The following TAB2 variants were observed in gnomAD, a reference collection of about 807,000 sequenced individuals.
The protein encoded by TAB2 is TGF-beta-activated kinase 1 and MAP3K7-binding protein 2.
TAB2 carries 3 observed loss-of-function variants against 65.0 expected under a neutral mutation model. That is an observed-to-expected ratio of 0.05 (90% CI 0.02 to 0.12). The LOEUF (loss-of-function observed/expected upper bound fraction) is 0.12, where lower values mean the gene tolerates loss of function less well. Among genes scored for constraint, TAB2 ranks in the 10% least tolerant of loss-of-function variants. The pLI, the probability that TAB2 is intolerant of heterozygous loss-of-function variation, is 1.00. For missense variants in TAB2, 623 were observed against 840.3 expected (o/e 0.74, Z 3.20); for synonymous variants, 298 against 285.1 (o/e 1.05, Z -0.46).
At chr6:149,273,158 C>T (rs1272266361) in intron 1 of TAB2, among the ~76,000 whole-genome samples, 3 of 152,140 alleles carry the variant, frequency 2.0e-5, no homozygotes, top group African/African-American at 7.2e-5. Context: ...CTACAAGATA[C>T]TGGACAGCCC....
At position 149,260,697 on chromosome 6, in the gene TAB2, C is replaced by T. The variant is rs530342253; in HGVS notation, c.-121+41921C>T. On this transcript the variant is annotated intron_variant, in intron 1 of 1. Transcript: ENST00000606202. The stretch of plus-strand genomic sequence containing the variant: ...CTATGGGACGGGGGCTGGAGGGTGG[C>T]GTGGTATTCACTGAGAAGCGCTGAG... 1.8e-4 allele frequency among the ~76,000 whole-genome samples: 27 copies of T among 152,182 alleles called. 1 individual carries two copies. The East Asian group carries it at 4.6e-3, about 26-fold the overall frequency.
At chr6:149,313,466 C>T (rs865813846), upstream of TAB2, among the ~76,000 whole-genome samples, 5 of 152,188 alleles carry the variant, frequency 3.3e-5, no homozygotes, top group Admixed American at 1.3e-4. Context: ...GCCCTCGTCA[C>T]CCTTCCTCTC....
chr6:149,321,531 A>G (rs1028013928), intron 1 of TAB2: 1 of 152,148 alleles, frequency 6.6e-6, no homozygotes, highest in Non-Finnish European at 1.5e-5. Flanking sequence ...AAAACAGCCT[A>G]TTTACTAGTA....
intron 1 of TAB2, among the ~76,000 whole-genome samples, chr6:149,344,574 G>T (rs1780234305): frequency 6.6e-6 from 1 of 152,154 alleles, no homozygotes. Context: ...ATAGGGAGGG[G>T]TGTGATGGGA....
intron 2 of TAB2, among the ~76,000 whole-genome samples, chr6:149,371,065 CAAAAAAAAA>C (rs33926884): frequency 1.7e-4 from 12 of 71,968 alleles, no homozygotes; most frequent in African/African-American, 4.2e-4. Flanking sequence ...GACCCTATCT[CAAAAAAAAA>C]AAAAAAAAAA....
Position 149,378,722 on chromosome 6 carries a change from A to C in TAB2, c.807A>C (p.Ser269=), listed in dbSNP as rs757284171. The part of the protein sequence containing the change: ...CPASNPLSHT[S]SQQPNQQGHQ... ...CATCTAATCCTCTGTCACATACCTC[A>C]TCTCAACAGCCAAATCAGCAAGGCC... Residue 269 remains serine (S), a synonymous_variant, in exon 3 of 7, where the codon TCA becomes TCC. Transcript: ENST00000637181. The C allele has an allele frequency of 3.1e-6, 5 of 1,613,978 alleles. No homozygotes were observed. Among genetic ancestry groups the C allele is most frequent in the East Asian group, 4.5e-5 (2 of 44,878 alleles).
chr6:149,345,010 G>C (rs560851457), intron 1 of TAB2, among the ~76,000 whole-genome samples: 49 of 152,238 alleles, frequency 3.2e-4, no homozygotes, highest in African/African-American at 1.2e-3. Context: ...TAAAGGTATT[G>C]TGTTTATTGG....
intron 1 of TAB2, among the ~76,000 whole-genome samples, chr6:149,261,248 C>A (rs1158369934): frequency 2.0e-5 from 3 of 152,200 alleles, no homozygotes; most frequent in Non-Finnish European, 2.9e-5. Flanking sequence ...TCACATCCAA[C>A]ATCTCTTCTA....
At chr6:149,377,308 C>T (rs1311455469) in intron 2 of TAB2, among the ~76,000 whole-genome samples, 1 of 151,598 alleles carries the variant, frequency 6.6e-6, no homozygotes, top group Admixed American at 6.6e-5. Flanking sequence ...ATCCACCCGC[C>T]TCGGCCTCCC....
At chr6:149,275,298 A>AAGAAAGAG (rs1290964407) in intron 1 of TAB2, among the ~76,000 whole-genome samples, 2 of 135,418 alleles carry the variant, frequency 1.5e-5, no homozygotes, top group Admixed American at 7.4e-5. Flanking sequence ...GAAAGAAAGA[A>AAGAAAGAG]AGAGAAAAAA....
rs1411917159 is a variant in TAB2, at chr6:149,397,752, C to G, written c.1752C>G (p.Ser584=). The G allele has an allele frequency of 6.2e-7, 1 of 1,613,364 alleles. No individual in the cohort carries two copies. Among genetic ancestry groups the G allele is most frequent in the East Asian group, 2.2e-5 (1 of 44,862 alleles). Residue 584 remains serine (S), a synonymous_variant, in exon 4 of 7, where the codon TCC becomes TCG. Coordinates refer to ENST00000637181, the MANE Select transcript of TAB2 (RefSeq NM_001292034.3). ...RRRLKRSNSI[S]QIPSLEEMQQ... is the part of the protein sequence containing the mutation. Reference sequence around the variant, plus strand: ...GCCTGAAAAGATCAAATTCTATATCCCAGATACCTTCCGTAAGTCTTTATG... The same window carrying G: ...GCCTGAAAAGATCAAATTCTATATCGCAGATACCTTCCGTAAGTCTTTATG...
At chr6:149,374,766 C>T (rs540735876) in intron 2 of TAB2, among the ~76,000 whole-genome samples, 76 of 152,218 alleles carry the variant, frequency 5.0e-4, no homozygotes, top group African/African-American at 1.4e-3. Context: ...TCATCACATC[C>T]CTAGATATAA....
intron 3 of TAB2, among the ~76,000 whole-genome samples, chr6:149,387,988 C>A (rs1183482959): frequency 6.6e-6 from 1 of 152,112 alleles, no homozygotes; most frequent in African/African-American, 2.4e-5. Context: ...CATAATTGTA[C>A]CCATGTCCAA....
At chr6:149,293,921 C>A (rs1778827572) in intron 1 of TAB2, among the ~76,000 whole-genome samples, 1 of 151,854 alleles carries the variant, frequency 6.6e-6, no homozygotes, top group Non-Finnish European at 1.5e-5. Flanking sequence ...GGTGAAAAGG[C>A]AGATAGAGAC....
intron 1 of TAB2, among the ~76,000 whole-genome samples, chr6:149,249,104 C>T (rs1245135234): frequency 1.3e-5 from 2 of 151,410 alleles, no homozygotes; most frequent in Non-Finnish European, 2.9e-5. Flanking sequence ...CTTCCCTTCC[C>T]CCTGCAACTC....
intron 1 of TAB2, among the ~76,000 whole-genome samples, chr6:149,325,476 C>G (rs918078466): frequency 6.6e-6 from 1 of 152,102 alleles, no homozygotes; most frequent in African/African-American, 2.4e-5. Context: ...CAAGATGAAA[C>G]AAACAAAACA....
At chr6:149,309,226 C>A (rs1455738000) in intron 1 of TAB2, among the ~76,000 whole-genome samples, 1 of 152,032 alleles carries the variant, frequency 6.6e-6, no homozygotes, top group Non-Finnish European at 1.5e-5. Context: ...ATCATAGCAA[C>A]AACTATTTAT....
At chr6:149,324,241 G>C (rs933049669) in intron 1 of TAB2, among the ~76,000 whole-genome samples, 15 of 152,150 alleles carry the variant, frequency 9.9e-5, no homozygotes, top group African/African-American at 1.9e-4. Context: ...TATAGGAATG[G>C]GGATTTTAGC....
intron 1 of TAB2, among the ~76,000 whole-genome samples, chr6:149,229,469 G>A (rs185394760): frequency 1.3e-5 from 2 of 152,170 alleles, no homozygotes; most frequent in African/African-American, 4.8e-5. Flanking sequence ...AGGGGCTGCT[G>A]ACAACAGTGG....
Sources: allele counts gnomAD v4.1 joint callset (sites outside exome capture counted in the v4.1 genomes callset), GRCh38; gene constraint gnomAD v4.1.1; transcripts MANE v1.5; gene names NCBI Gene and HGNC (gene_info 2026-07-23, HGNC 2026-07-21).